The following VCAN variants were observed in gnomAD, a reference collection of about 807,000 sequenced individuals.
VCAN encodes versican.
In VCAN, 44 loss-of-function variants were observed where a neutral mutation model predicts 245.5. The ratio of observed to expected loss-of-function variants is 0.18; its 90% CI spans 0.14 to 0.23. The LOEUF (loss-of-function observed/expected upper bound fraction) is 0.23. VCAN is among the 10% of genes least tolerant of loss of function. VCAN has a pLI of 1.00. For synonymous variants in VCAN, 1,413 were observed against 1,437.0 expected (o/e 0.98, Z 0.38); for missense variants, 3,793 against 4,057.9 (o/e 0.93, Z 1.77).
intron 10 of VCAN, among the ~76,000 whole-genome samples, chr5:83,551,232 T>C (rs1747453956): frequency 6.6e-6 from 1 of 151,948 alleles, no homozygotes; most frequent in Admixed American, 6.6e-5. Context: ...AAAAAGGGGC[T>C]GGGTGCGATA....
Position 83,521,167 on chromosome 5 carries a change from T to A in VCAN, c.2861T>A (p.Phe954Tyr), listed in dbSNP as rs913145099. The change falls in exon 7 of 15, where the codon TTT becomes TAT. Residue 954 changes from phenylalanine to tyrosine, a missense_variant. This residue lies in a region of VCAN where 3,182 missense variants were observed against 3,250.3 expected (regional missense o/e 0.98). Transcript: ENST00000265077. Reference sequence around the variant, plus strand: ...ACTTCAGAGGTGGAAGGATTAGCATTTGTTAGTTATAGTAGCACCCAAGAG... The same window carrying A: ...ACTTCAGAGGTGGAAGGATTAGCATATGTTAGTTATAGTAGCACCCAAGAG... ...AHTSEVEGLA[F>Y]VSYSSTQEPT... 14 of 1,613,522 alleles carry A rather than the reference T, an allele frequency of 8.7e-6. No homozygotes were observed. Among genetic ancestry groups the A allele is most frequent in the Non-Finnish European group, 1.2e-5 (14 of 1,179,586 alleles).
At chr5:83,525,559 C>G (rs1746261953) in intron 7 of VCAN, among the ~76,000 whole-genome samples, 1 of 152,134 alleles carries the variant, frequency 6.6e-6, no homozygotes, top group African/African-American at 2.4e-5. Flanking sequence ...TGCAAATGCT[C>G]TTAGTTATAA....
At chr5:83,555,079 G>A (rs758047918) in intron 12 of VCAN, 41 bp downstream of exon 12, 11 of 1,604,456 alleles carry the variant, frequency 6.9e-6, no homozygotes, top group Non-Finnish European at 1.7e-6. Flanking sequence ...CTACCTTCTG[G>A]AAATTTGGTA....
At chr5:83,572,595 C>T (rs1748327121) in intron 13 of VCAN, 35 bp downstream of exon 13, 8 of 1,612,190 alleles carry the variant, frequency 5.0e-6, no homozygotes, top group Non-Finnish European at 6.8e-6. Context: ...TGTACTTAAT[C>T]TTCATTTCAA....
chr5:83,526,561 A>G (rs1271289218), intron 7 of VCAN, among the ~76,000 whole-genome samples: 1 of 152,240 alleles, frequency 6.6e-6, no homozygotes, highest in Non-Finnish European at 1.5e-5. Context: ...AAAAAGAATG[A>G]TATCTAGACC....
chr5:83,529,874 A>G (rs929052867), intron 7 of VCAN, among the ~76,000 whole-genome samples: 3 of 152,160 alleles, frequency 2.0e-5, no homozygotes, highest in Non-Finnish European at 4.4e-5. Context: ...TGTGGGCTTT[A>G]AAAATTATTT....
intron 10 of VCAN, 32 bp from the exon 11 acceptor site, chr5:83,553,332 C>A: frequency 1.2e-6 from 2 of 1,613,340 alleles, no homozygotes; most frequent in Non-Finnish European, 1.7e-6. Flanking sequence ...GACGTATGTG[C>A]GTTTAATAAG....
intron 10 of VCAN, among the ~76,000 whole-genome samples, chr5:83,549,867 C>G (rs1248439136): frequency 6.6e-6 from 1 of 152,100 alleles, no homozygotes; most frequent in African/African-American, 2.4e-5. Context: ...TTCAGGTTGC[C>G]TAAGAACAAA....
intron 1 of VCAN, among the ~76,000 whole-genome samples, chr5:83,478,944 A>G (rs578015665): frequency 2.9e-4 from 44 of 152,318 alleles, no homozygotes; most frequent in African/African-American, 9.9e-4. Flanking sequence ...AGTATGTCTT[A>G]GGTAGAGTAA....
Position 83,572,505 on chromosome 5 carries a change from G to A in VCAN, c.9825G>A (p.Gln3275=), listed in dbSNP as rs745742064. Residue 3275 remains glutamine, a synonymous_variant, in exon 13 of 15, where the codon CAG becomes CAA. Coordinates refer to ENST00000265077, the MANE Select transcript of VCAN (RefSeq NM_004385.5). ...TAATCATTTGGCATGAGAATGGCCA[G>A]TGGAATGATGTTCCCTGCAATTACC... ...CVVIIWHENG[Q]WNDVPCNYHL... The A allele has an allele frequency of 1.9e-6, 3 of 1,613,810 alleles. No individual in the cohort carries two copies. The highest frequency in any genetic ancestry group is 2.5e-6 in the Non-Finnish European group (3 of 1,179,884).
chr5:83,476,338 C>T (rs372920315), intron 1 of VCAN, among the ~76,000 whole-genome samples: 41 of 152,250 alleles, frequency 2.7e-4, no homozygotes, highest in African/African-American at 9.4e-4. Context: ...GGATATTGCC[C>T]TGTGATGGAG....
chr5:83,555,016 G>A lies in VCAN; in HGVS notation c.9713G>A (p.Arg3238His), dbSNP rs138263053. ...LNDKMFEHDF[R>H]WTDGSTLQYE... ...GACAAGATGTTTGAGCATGACTTCC[G>A]TTGGACTGATGGCAGCACACTGGTA... The change falls in exon 12 of 15, where the codon CGT (arginine) becomes CAT (histidine). Residue 3238 changes from arginine to histidine, a missense_variant. Physicochemically the swap from Arg to His is conservative, Grantham distance 29. Coordinates refer to ENST00000265077, the MANE Select transcript of VCAN (RefSeq NM_004385.5). 6.3e-5 allele frequency: 102 copies of A among 1,613,546 alleles called. No individual in the cohort carries two copies. Among genetic ancestry groups the A allele is most frequent in the Non-Finnish European group, 8.1e-5 (96 of 1,179,670 alleles).
In VCAN at chr5:83,520,453, CAGA is replaced by C. The variant is rs762012030; in HGVS notation, c.2156_2158del (p.Glu719del). 59 of 1,613,748 alleles carry C rather than the reference CAGA, an allele frequency of 3.7e-5. No individual in the cohort carries two copies. The highest frequency in any genetic ancestry group is 3.5e-4 in the South Asian group (32 of 91,078). On this transcript the variant is annotated inframe_deletion, in exon 7 of 15. Coordinates refer to ENST00000265077, the MANE Select transcript of VCAN (RefSeq NM_004385.5). Reference sequence around the variant, plus strand: ...ACTAAAAGTCCATTTATGGGAAAAACAGAAGAAGAAGTCTTCTCTGGGATGAAA... The same window carrying C: ...ACTAAAAGTCCATTTATGGGAAAAACAGAAGAAGTCTTCTCTGGGATGAAA...
chr5:83,528,929 A>T (rs310508), intron 7 of VCAN, among the ~76,000 whole-genome samples: 60 of 150,602 alleles, frequency 4.0e-4, no homozygotes, highest in African/African-American at 1.5e-3. Flanking sequence ...ATATGGAATG[A>T]TATTTCCTAA....
intron 5 of VCAN, among the ~76,000 whole-genome samples, chr5:83,503,323 G>T (rs1188873318): frequency 1.3e-5 from 2 of 152,062 alleles, no homozygotes; most frequent in African/African-American, 2.4e-5. Context: ...CTATCACCTT[G>T]ATACTTGATA....
chr5:83,552,246 G>A (rs988336572), intron 10 of VCAN, among the ~76,000 whole-genome samples: 3 of 152,140 alleles, frequency 2.0e-5, no homozygotes, highest in African/African-American at 4.8e-5. Context: ...CAAAACTAAC[G>A]TATAAAGCAA....
intron 5 of VCAN, among the ~76,000 whole-genome samples, chr5:83,508,450 T>A (rs1745545014): frequency 6.6e-6 from 1 of 152,192 alleles, no homozygotes. Context: ...ACTTATCACG[T>A]TTGGTATAGA....
At chr5:83,536,509 A>G (rs193169173) in intron 7 of VCAN, 41 of 152,890 alleles carry the variant, frequency 2.7e-4, no homozygotes, top group African/African-American at 9.6e-4. Context: ...TATTGAATAG[A>G]GAGTGTATAA....
At chr5:83,486,219 A>G (rs527937424) in intron 2 of VCAN, among the ~76,000 whole-genome samples, 2 of 152,354 alleles carry the variant, frequency 1.3e-5, no homozygotes, top group East Asian at 1.9e-4. Context: ...AACATCTTCC[A>G]TGCTCTTGGG....
Sources: gnomAD v4.1 joint callset for allele counts (sites outside exome capture counted in the v4.1 genomes callset) on GRCh38, gnomAD v4.1.1 for gene constraint, gnomAD v4.1.1 regional missense constraint, MANE v1.5 for transcripts, NCBI Gene and HGNC (gene_info 2026-07-23, HGNC 2026-07-21) for gene names.